Variants in DLG2 observed in about 807,000 individuals in gnomAD.
DLG2 encodes the protein disks large homolog 2.
In DLG2, 45 loss-of-function variants were observed where a neutral mutation model predicts 132.5. The observed-to-expected ratio is 0.34, with a 90% CI of 0.27 to 0.44. The LOEUF is 0.44. Among genes scored for constraint, DLG2 ranks in the 20% least tolerant of loss-of-function variants. The pLI is 1.00. For missense variants in DLG2, 1,045 were observed against 1,196.9 expected (o/e 0.87, Z 1.87); for synonymous variants, 424 against 419.6 (o/e 1.01, Z -0.13).
chr11:84,987,041 A>G (rs1399550581), intron 6 of DLG2, among the ~76,000 whole-genome samples: 5 of 152,182 alleles, frequency 3.3e-5, no homozygotes, highest in African/African-American at 1.2e-4. Flanking sequence ...AGCTCCTAGA[A>G]CTGATAAAAG....
chr11:85,372,413 T>C (rs2085056044), intron 3 of DLG2, among the ~76,000 whole-genome samples: 1 of 152,182 alleles, frequency 6.6e-6, no homozygotes, highest in Non-Finnish European at 1.5e-5. Context: ...TGGTTTATGA[T>C]AAGGAGTCCA....
intron 8 of DLG2, among the ~76,000 whole-genome samples, chr11:84,194,847 C>T (rs923339760): frequency 1.3e-5 from 2 of 152,196 alleles, no homozygotes; most frequent in Non-Finnish European, 2.9e-5. Context: ...TGGCACTAGG[C>T]CTCTCACTGC....
intron 6 of DLG2, among the ~76,000 whole-genome samples, chr11:84,810,807 A>C (rs2076471273): frequency 6.6e-6 from 1 of 152,138 alleles, no homozygotes; most frequent in African/African-American, 2.4e-5. Flanking sequence ...AAATTCCAAA[A>C]TATTATGCTG....
chr11:85,312,489 G>A (rs926313805), intron 3 of DLG2, among the ~76,000 whole-genome samples: 3 of 151,490 alleles, frequency 2.0e-5, no homozygotes, highest in African/African-American at 4.8e-5. Flanking sequence ...TCTTTGAGAT[G>A]TTATAAATTA....
chr11:83,643,012 T>A lies in DLG2; in HGVS notation c.1826-9687A>T, dbSNP rs113020210. 5.8e-3 allele frequency among the ~76,000 whole-genome samples: 877 copies of A among 152,266 alleles called. 10 individuals are homozygous for A. The highest frequency in any genetic ancestry group is 0.02 in the African/African-American group (816 of 41,572). On this transcript the variant is annotated intron_variant, in intron 18 of 27. Coordinates refer to ENST00000376104, the MANE Select transcript of DLG2 (RefSeq NM_001142699.3). ...GTGAAGCTCTCCTGAAGCTTTATAT[T>A]CCCTGTCTATAAAATGGAGACATCA...
Position 84,178,314 on chromosome 11 carries a change from C to T in DLG2, c.574-14803G>A, listed in dbSNP as rs1033410056. On this transcript the variant is annotated intron_variant, in intron 8 of 27. Coordinates refer to ENST00000376104, the MANE Select transcript of DLG2 (RefSeq NM_001142699.3). ...CTGGCTGGTGCAGTCAACATGCTGT[C>T]TACAGTAGCCAGAAATTTAACAGAA... Among the ~76,000 whole-genome samples the T allele has an allele frequency of 1.3e-3, 191 of 152,086 alleles. 4 individuals carry two copies. The highest frequency in any genetic ancestry group is 1.6e-3 in the Admixed American group (25 of 15,252).
chr11:85,463,989 T>TACACACACACACAAACAC (rs1555141400), intron 3 of DLG2, among the ~76,000 whole-genome samples: 9 of 139,324 alleles, frequency 6.5e-5, no homozygotes, highest in Non-Finnish European at 1.4e-4. Context: ...GACATACATG[T>TACACACACACACAAACAC]ACACACACAC....
At chr11:84,640,115 C>A (rs1215592828) in intron 6 of DLG2, 2 of 307,800 alleles carry the variant, frequency 6.5e-6, no homozygotes, top group South Asian at 3.5e-5. Flanking sequence ...TCTGTCATAT[C>A]AATGTAGAAC....
At chr11:84,688,206 A>G (rs1182334147) in intron 6 of DLG2, among the ~76,000 whole-genome samples, 2 of 152,148 alleles carry the variant, frequency 1.3e-5, no homozygotes, top group Non-Finnish European at 2.9e-5. Flanking sequence ...ACATGAGAAG[A>G]GCCTAATATA....
intron 6 of DLG2, among the ~76,000 whole-genome samples, chr11:84,643,359 G>A (rs961668774): frequency 2.6e-5 from 4 of 152,208 alleles, no homozygotes; most frequent in Non-Finnish European, 5.9e-5. Flanking sequence ...GAAACAGAGA[G>A]AGCAGTTATA....
intron 9 of DLG2, among the ~76,000 whole-genome samples, chr11:84,136,988 G>GA (rs1380367542): frequency 1.3e-5 from 2 of 151,988 alleles, no homozygotes; most frequent in African/African-American, 4.8e-5. Flanking sequence ...AGGCACAGCA[G>GA]AAAAAAAACA....
At chr11:85,302,680 A>G (rs2079671319) in intron 3 of DLG2, among the ~76,000 whole-genome samples, 1 of 151,784 alleles carries the variant, frequency 6.6e-6, no homozygotes, top group African/African-American at 2.4e-5. Flanking sequence ...CAGTTAGTTG[A>G]TAATTTCAGA....
At chr11:84,576,769 T>A (rs562464307) in intron 6 of DLG2, among the ~76,000 whole-genome samples, 1 of 152,310 alleles carries the variant, frequency 6.6e-6, no homozygotes, top group Non-Finnish European at 1.5e-5. Context: ...ACACAAAGAA[T>A]CTATGTGGAT....
At chr11:84,764,412 A>G (rs903754870) in intron 6 of DLG2, among the ~76,000 whole-genome samples, 1 of 152,256 alleles carries the variant, frequency 6.6e-6, no homozygotes, top group East Asian at 1.9e-4. Flanking sequence ...GTTCTAGTCA[A>G]TATTTTGACG....
At chr11:85,143,283 G>A (rs1774401312) in intron 5 of DLG2, among the ~76,000 whole-genome samples, 1 of 151,616 alleles carries the variant, frequency 6.6e-6, no homozygotes, top group Admixed American at 6.6e-5. Context: ...TTGGTAGGTT[G>A]TATGTGTCTA....
At chr11:85,379,846 T>G (rs2085731985) in intron 3 of DLG2, among the ~76,000 whole-genome samples, 1 of 152,220 alleles carries the variant, frequency 6.6e-6, no homozygotes, top group African/African-American at 2.4e-5. Flanking sequence ...GTGGTGGTAC[T>G]TTTTACTCAC....
chr11:84,060,505 G>C (rs2096574504), intron 10 of DLG2, among the ~76,000 whole-genome samples: 2 of 146,752 alleles, frequency 1.4e-5, no homozygotes, highest in South Asian at 2.2e-4. Flanking sequence ...TGAAAACTAA[G>C]AACCACAACA....
At chr11:85,250,851 G>C (rs1441209610) in intron 4 of DLG2, among the ~76,000 whole-genome samples, 5 of 151,854 alleles carry the variant, frequency 3.3e-5, no homozygotes, top group African/African-American at 1.2e-4. Context: ...TTTTTTGTAA[G>C]ATTTGAAAAA....
chr11:83,966,452 T>C (rs1222832805), intron 12 of DLG2, among the ~76,000 whole-genome samples: 2 of 152,044 alleles, frequency 1.3e-5, no homozygotes, highest in African/African-American at 4.8e-5. Flanking sequence ...ATACAAATGA[T>C]ACACTGACTT....
Sources: gnomAD v4.1 joint callset for allele counts (sites outside exome capture counted in the v4.1 genomes callset) on GRCh38, gnomAD v4.1.1 for gene constraint, MANE v1.5 for transcripts, NCBI Gene and HGNC (gene_info 2026-07-23, HGNC 2026-07-21) for gene names.